Variants in PRKN observed in about 807,000 individuals in gnomAD.
PRKN encodes the protein E3 ubiquitin-protein ligase parkin.
PRKN carries 56 observed loss-of-function variants against 59.5 expected under a neutral mutation model. That is an observed-to-expected ratio of 0.94 (90% CI 0.76 to 1.18). PRKN has a LOEUF of 1.18. Ranked by LOEUF, PRKN falls within the 50% of genes most tolerant of loss-of-function variation. PRKN has a pLI of 0.00. For synonymous variants in PRKN, 250 were observed against 222.1 expected, an observed-to-expected ratio of 1.13 and a Z score of -1.12; for missense variants, 657 against 596.4, an observed-to-expected ratio of 1.10 and a Z score of -1.06.
chr6:161,881,521 C>T (rs1210798845), intron 6 of PRKN, among the ~76,000 whole-genome samples: 2 of 152,194 alleles, frequency 1.3e-5, no homozygotes, highest in Admixed American at 6.6e-5. Context: ...TGCAAATATG[C>T]ATTCCCTCCT....
At chr6:161,855,764 G>A (rs1347995577) in intron 6 of PRKN, among the ~76,000 whole-genome samples, 1 of 151,952 alleles carries the variant, frequency 6.6e-6, no homozygotes, top group Admixed American at 6.6e-5. Context: ...CTAATATCTT[G>A]TTACCCAACT....
intron 4 of PRKN, among the ~76,000 whole-genome samples, chr6:162,136,425 A>G (rs1335952472): frequency 1.3e-5 from 2 of 152,178 alleles, no homozygotes; most frequent in Admixed American, 6.5e-5. Flanking sequence ...TGCCTTGTGT[A>G]AATGTCACCT....
At chr6:162,679,989 A>G (rs962364330) in intron 1 of PRKN, among the ~76,000 whole-genome samples, 3 of 152,012 alleles carry the variant, frequency 2.0e-5, no homozygotes, top group African/African-American at 7.2e-5. Context: ...TTCCTATTCA[A>G]TGTTAATGTT....
intron 4 of PRKN, among the ~76,000 whole-genome samples, chr6:162,066,745 C>G (rs1267317500): frequency 6.6e-6 from 1 of 152,170 alleles, no homozygotes; most frequent in Non-Finnish European, 1.5e-5. Context: ...TTAAGTTACT[C>G]AGACCCAGGA....
intron 2 of PRKN, among the ~76,000 whole-genome samples, chr6:162,322,532 C>T (rs906833517): frequency 2.6e-5 from 4 of 151,954 alleles, no homozygotes; most frequent in South Asian, 2.1e-4. Context: ...CATCTGACTT[C>T]GGGTCTCATT....
intron 1 of PRKN, among the ~76,000 whole-genome samples, chr6:162,719,938 AAC>A (rs1562523841): frequency 1.3e-5 from 2 of 152,078 alleles, no homozygotes; most frequent in Admixed American, 6.5e-5. Flanking sequence ...TGACCTCAGA[AAC>A]ACAGATATTA....
chr6:162,057,544 G>A (rs1156406193), intron 4 of PRKN, among the ~76,000 whole-genome samples: 2 of 152,276 alleles, frequency 1.3e-5, no homozygotes, highest in African/African-American at 2.4e-5. Context: ...TGATACCTAC[G>A]ACCTTGATCA....
chr6:162,113,830 G>C (rs1377642217), intron 4 of PRKN, among the ~76,000 whole-genome samples: 1 of 152,078 alleles, frequency 6.6e-6, no homozygotes, highest in East Asian at 1.9e-4. Flanking sequence ...TTTTCTTCTA[G>C]GGTTTTTATG....
At chr6:162,623,733 G>A (rs1303091329) in intron 1 of PRKN, among the ~76,000 whole-genome samples, 3 of 151,912 alleles carry the variant, frequency 2.0e-5, no homozygotes, top group African/African-American at 7.3e-5. Context: ...CATCTAGTAA[G>A]GCCCTCTCTA....
intron 5 of PRKN, among the ~76,000 whole-genome samples, chr6:161,977,530 T>G (rs1445736812): frequency 8.0e-6 from 1 of 124,284 alleles, no homozygotes; most frequent in South Asian, 2.7e-4. Flanking sequence ...TTCTCTACTT[T>G]CTGTTTTTTT....
At chr6:162,700,090 C>T (rs922216743) in intron 1 of PRKN, among the ~76,000 whole-genome samples, 4 of 152,112 alleles carry the variant, frequency 2.6e-5, no homozygotes, top group Admixed American at 2.6e-4. Flanking sequence ...CACAAAATTG[C>T]CTCATTTCCC....
chr6:162,715,864 C>G (rs1425506590), intron 1 of PRKN, among the ~76,000 whole-genome samples: 1 of 152,222 alleles, frequency 6.6e-6, no homozygotes, highest in Non-Finnish European at 1.5e-5. Flanking sequence ...CTCTCTGTTT[C>G]AAACGCGCTT....
intron 6 of PRKN, among the ~76,000 whole-genome samples, chr6:161,929,526 T>C (rs1779092619): frequency 7.0e-6 from 1 of 143,128 alleles, no homozygotes; most frequent in Non-Finnish European, 1.5e-5. Context: ...TCTTTTTTTT[T>C]TTTTTTTTTT....
chr6:162,282,107 C>T (rs1780935382), intron 2 of PRKN, among the ~76,000 whole-genome samples: 1 of 152,170 alleles, frequency 6.6e-6, no homozygotes, highest in African/African-American at 2.4e-5. Flanking sequence ...CCTCACAGGC[C>T]ACAGACAGGT....
intron 4 of PRKN, among the ~76,000 whole-genome samples, chr6:162,172,568 CA>C: frequency 6.6e-6 from 1 of 152,230 alleles, no homozygotes; most frequent in East Asian, 1.9e-4. Context: ...TCTTCACCTG[CA>C]AAATGGGGAT....
At chr6:162,605,775 G>A (rs1042432444) in intron 1 of PRKN, among the ~76,000 whole-genome samples, 12 of 152,090 alleles carry the variant, frequency 7.9e-5, no homozygotes, top group East Asian at 1.9e-4. Context: ...TTCATATCAC[G>A]TGGCCTTGTA....
At chr6:162,083,641 T>C (rs1464868957) in intron 4 of PRKN, among the ~76,000 whole-genome samples, 2 of 152,112 alleles carry the variant, frequency 1.3e-5, no homozygotes, top group Admixed American at 1.3e-4. Context: ...TGTCTAGTAA[T>C]AGAACATCAA....
chr6:162,233,692 T>C (rs1323866542), intron 3 of PRKN, among the ~76,000 whole-genome samples: 6 of 152,334 alleles, frequency 3.9e-5, no homozygotes, highest in South Asian at 4.1e-4. Flanking sequence ...CCAGATTTCA[T>C]GTGGTTAGAA....
In PRKN at chr6:162,331,472, A is replaced by T. The variant is rs564701181; in HGVS notation, c.172-68707T>A. Reference sequence around the variant, plus strand: ...CTGTAAACAACATAAACTGTAGCTCATTCCTTTCTTCTGCTCTATGAAAAC... The same window carrying T: ...CTGTAAACAACATAAACTGTAGCTCTTTCCTTTCTTCTGCTCTATGAAAAC... On this transcript the variant is annotated intron_variant, in intron 2 of 11. Transcript: ENST00000366898. Among the ~76,000 whole-genome samples, 3 of 152,314 alleles carry T rather than the reference A, an allele frequency of 2.0e-5. No individual in the cohort carries two copies. The East Asian group carries it at 5.8e-4, about 29-fold the overall frequency.
Sources: gnomAD v4.1 joint callset for allele counts (sites outside exome capture counted in the v4.1 genomes callset) on GRCh38, gnomAD v4.1.1 for gene constraint, MANE v1.5 for transcripts, NCBI Gene and HGNC (gene_info 2026-07-23, HGNC 2026-07-21) for gene names.